The following FBXO15 variants were observed in gnomAD, a reference collection of about 807,000 sequenced individuals.
FBXO15 encodes F-box protein 15, also known as F-box only protein 15.
In FBXO15, 30 loss-of-function variants were observed where a neutral mutation model predicts 49.5. The observed-to-expected ratio is 0.61, with a 90% CI of 0.45 to 0.82. The LOEUF is 0.82. Ranked by LOEUF, FBXO15 falls within the 40% of genes least tolerant of loss-of-function variation. FBXO15 has a pLI of 0.00. For synonymous variants in FBXO15, 250 were observed against 232.7 expected, an observed-to-expected ratio of 1.07 and a Z score of -0.68; for missense variants, 591 against 631.5, an observed-to-expected ratio of 0.94 and a Z score of 0.69.
At chr18:74,083,565 A>G (rs1464392881) in intron 8 of FBXO15, among the ~76,000 whole-genome samples, 4 of 152,248 alleles carry the variant, frequency 2.6e-5, no homozygotes, top group Non-Finnish European at 4.4e-5. Flanking sequence ...TCCCCAGGAC[A>G]CGGCAGAAAA....
At chr18:74,100,350 A>T (rs1913459384) in intron 8 of FBXO15, among the ~76,000 whole-genome samples, 1 of 152,168 alleles carries the variant, frequency 6.6e-6, no homozygotes, top group Non-Finnish European at 1.5e-5. Context: ...ATGGAAATTT[A>T]AAAATTATTT....
At chr18:74,105,609 GT>G (rs138552161) in intron 8 of FBXO15, among the ~76,000 whole-genome samples, 27,218 of 148,718 alleles carry the variant, frequency 0.18, 2,771 homozygotes, top group East Asian at 0.27. Flanking sequence ...CCAGCTTATG[GT>G]TTTTTTTTTG....
At chr18:74,092,617 G>A (rs1179115514) in intron 8 of FBXO15, among the ~76,000 whole-genome samples, 1 of 152,072 alleles carries the variant, frequency 6.6e-6, no homozygotes, top group Admixed American at 6.5e-5. Flanking sequence ...GAGTTGACTC[G>A]TTTCATTTCT....
At chr18:74,082,212 C>A in intron 8 of FBXO15, 161 bp from the exon 9 acceptor site, 1 of 524,990 alleles carries the variant, frequency 1.9e-6, no homozygotes, top group Non-Finnish European at 3.2e-6. Flanking sequence ...TGGCTTGAGG[C>A]CAGAGTGATG....
intron 3 of FBXO15, among the ~76,000 whole-genome samples, chr18:74,131,195 A>G (rs1487925130): frequency 6.6e-6 from 1 of 152,260 alleles, no homozygotes. Context: ...ACAACTAAAC[A>G]ATAGTTAACA....
At chr18:74,127,815 C>G (rs1978294831) in intron 5 of FBXO15, among the ~76,000 whole-genome samples, 1 of 152,192 alleles carries the variant, frequency 6.6e-6, no homozygotes, top group African/African-American at 2.4e-5. Flanking sequence ...CAGGGAAATA[C>G]TGTCTTTAAC....
intron 8 of FBXO15, among the ~76,000 whole-genome samples, chr18:74,085,950 C>A (rs142602828): frequency 1.3e-5 from 2 of 152,190 alleles, no homozygotes; most frequent in African/African-American, 4.8e-5. Context: ...AAATGAGAAA[C>A]ACTAATTTGT....
rs1568152006 is a variant in FBXO15 at position 74,074,400 on chromosome 18, T to G, written c.1264-670A>C. 6.6e-6 allele frequency among the ~76,000 whole-genome samples: 1 copy of G among 152,198 alleles called. No homozygotes were observed. Among genetic ancestry groups the G allele is most frequent in the Non-Finnish European group, 1.5e-5 (1 of 68,044 alleles). On this transcript the variant is annotated intron_variant, in intron 9 of 9. Transcript: ENST00000419743. The surrounding 1 kb of genome is among the most constrained non-coding windows in gnomAD (Gnocchi z 4.7). Reference sequence around the variant, plus strand: ...GGGGACCCTGGTGGAGCCTCCAGTATCCTGGACTCTCAACTCCTGAGCTGG... The same window carrying G: ...GGGGACCCTGGTGGAGCCTCCAGTAGCCTGGACTCTCAACTCCTGAGCTGG...
Position 74,140,306 on chromosome 18 carries a change from C to T in FBXO15, c.123G>A (p.Gly41=). 2 of 1,549,496 alleles carry T rather than the reference C, an allele frequency of 1.3e-6. No individual in the cohort carries two copies. The highest frequency in any genetic ancestry group is 1.2e-5 in the South Asian group (1 of 83,478). The part of the protein sequence containing the change: ...GRARAFGCRK[G]PGVKLSAGSA... ...AGCCTGCAGAAAGCTTGACCCCTGG[C>T]CCCTTTCTGAAAGTAAATGTGGGAA... The change falls in exon 2 of 10, where the codon GGG becomes GGA. Residue 41 remains glycine (G), a synonymous_variant. Transcript: ENST00000419743.
intron 7 of FBXO15, 69 bp downstream of exon 7, chr18:74,124,420 A>G: frequency 7.9e-7 from 1 of 1,259,176 alleles, no homozygotes; most frequent in South Asian, 1.3e-5. Flanking sequence ...GGATATTAAG[A>G]TGGCATCAAC....
intron 3 of FBXO15, among the ~76,000 whole-genome samples, chr18:74,135,364 T>C (rs1599186635): frequency 1.3e-5 from 2 of 152,342 alleles, no homozygotes; most frequent in East Asian, 3.9e-4. Flanking sequence ...CTTTAGGATC[T>C]GCTTGGCCAT....
chr18:74,108,238 T>C (rs1260915362), intron 8 of FBXO15, among the ~76,000 whole-genome samples: 1 of 151,926 alleles, frequency 6.6e-6, no homozygotes, highest in South Asian at 2.1e-4. Context: ...ATTATCAGAC[T>C]GGGAATTTAA....
intron 2 of FBXO15, among the ~76,000 whole-genome samples, chr18:74,136,971 G>T (rs894774269): frequency 4.6e-5 from 7 of 152,210 alleles, no homozygotes. Flanking sequence ...TCAAGGAAAT[G>T]AGGTAACTGG....
chr18:74,085,278 G>A (rs553043316), intron 8 of FBXO15, among the ~76,000 whole-genome samples: 10 of 151,902 alleles, frequency 6.6e-5, no homozygotes, highest in Non-Finnish European at 1.2e-4. Flanking sequence ...CAGAAATCAA[G>A]ACAGTGTGGG....
intron 3 of FBXO15, 157 bp from the exon 4 acceptor site, chr18:74,130,815 G>T: frequency 3.8e-6 from 3 of 785,500 alleles, no homozygotes; most frequent in Non-Finnish European, 5.7e-6. Flanking sequence ...AAAGTGAATT[G>T]CAGTTTGAGA....
At chr18:74,130,771 A>C in intron 3 of FBXO15, 113 bp from the exon 4 acceptor site, 1 of 1,171,342 alleles carries the variant, frequency 8.5e-7, no homozygotes, top group Non-Finnish European at 1.2e-6. Flanking sequence ...TGAATAAGCC[A>C]AGCTGAATAT....
intron 8 of FBXO15, among the ~76,000 whole-genome samples, chr18:74,088,563 T>C (rs768049836): frequency 9.9e-5 from 15 of 152,206 alleles, no homozygotes; most frequent in Non-Finnish European, 1.9e-4. Context: ...TTGGTCTATG[T>C]GTCTGTTTTT....
intron 8 of FBXO15, among the ~76,000 whole-genome samples, chr18:74,117,461 G>GA (rs1404514965): frequency 6.6e-5 from 10 of 152,100 alleles, no homozygotes; most frequent in African/African-American, 2.4e-4. Flanking sequence ...GAAATACACT[G>GA]ACAGTCACAC....
At chr18:74,107,356 T>A (rs900576965) in intron 8 of FBXO15, among the ~76,000 whole-genome samples, 9 of 152,136 alleles carry the variant, frequency 5.9e-5, no homozygotes, top group African/African-American at 1.7e-4. Context: ...ATTAGTTTTT[T>A]AAAAAAATAT....
Sources: gnomAD v4.1 joint callset for allele counts (sites outside exome capture counted in the v4.1 genomes callset) on GRCh38, gnomAD v4.1.1 for gene constraint, Gnocchi (gnomAD v3.1) non-coding constraint, MANE v1.5 for transcripts, NCBI Gene and HGNC (gene_info 2026-07-23, HGNC 2026-07-21) for gene names.